PLCH1: variants seen among roughly 807,000 people sequenced by gnomAD.
PLCH1 encodes 1-phosphatidylinositol 4,5-bisphosphate phosphodiesterase eta-1.
Under a neutral mutation model 126.7 loss-of-function variants are expected in PLCH1, and 60 were observed. The observed-to-expected ratio is 0.47, with a 90% CI of 0.38 to 0.59. The LOEUF (loss-of-function observed/expected upper bound fraction) is 0.59. Ranked by LOEUF, PLCH1 falls within the 20% of genes least tolerant of loss-of-function variation. The pLI, the probability that PLCH1 is intolerant of heterozygous loss-of-function variation, is 0.00. For synonymous variants in PLCH1, 719 were observed against 734.9 expected (o/e 0.98, Z 0.35); for missense variants, 1,723 against 2,040.0 (o/e 0.84, Z 2.99).
chr3:155,634,461 C>T (rs977565200), intron 2 of PLCH1, among the ~76,000 whole-genome samples: 7 of 152,156 alleles, frequency 4.6e-5, no homozygotes, highest in Non-Finnish European at 1.0e-4. Flanking sequence ...GTGAGTGGGA[C>T]TGAAACCATG....
At chr3:155,575,693 C>G (rs1729847909) in intron 6 of PLCH1, among the ~76,000 whole-genome samples, 1 of 152,116 alleles carries the variant, frequency 6.6e-6, no homozygotes, top group African/African-American at 2.4e-5. Context: ...ATTTTAGAGA[C>G]AGAGTCTTGC....
chr3:155,556,216 G>C (rs1726798874), intron 8 of PLCH1, among the ~76,000 whole-genome samples: 1 of 152,186 alleles, frequency 6.6e-6, no homozygotes, highest in South Asian at 2.1e-4. Context: ...AGCTGTGTGT[G>C]GTGGCGGATG....
chr3:155,458,145 C>T (rs1317833826), intron 21 of PLCH1, among the ~76,000 whole-genome samples: 1 of 151,896 alleles, frequency 6.6e-6, no homozygotes, highest in African/African-American at 2.4e-5. Context: ...AGTTCAAGAC[C>T]ACCCTGGCCA....
intron 8 of PLCH1, among the ~76,000 whole-genome samples, chr3:155,564,519 C>T (rs1284108962): frequency 1.3e-5 from 2 of 151,870 alleles, no homozygotes; most frequent in Non-Finnish European, 2.9e-5. Flanking sequence ...GAGCCTAGAT[C>T]GTGCCACTAC....
At chr3:155,741,684 C>CTTTT (rs71624571) in intron 1 of PLCH1, among the ~76,000 whole-genome samples, 8,958 of 102,378 alleles carry the variant, frequency 0.087, 515 homozygotes, top group Non-Finnish European at 0.099. Flanking sequence ...TTTATATCCT[C>CTTTT]TTTTTTTTTT....
chr3:155,634,085 G>A (rs781331751), intron 2 of PLCH1, among the ~76,000 whole-genome samples: 15 of 152,072 alleles, frequency 9.9e-5, no homozygotes, highest in African/African-American at 2.9e-4. Context: ...TACCATCCAC[G>A]GGTGCCAAGA....
At chr3:155,483,187 T>C (rs775273974) in intron 22 of PLCH1, 136 bp from the exon 23 acceptor site, 11 of 966,728 alleles carry the variant, frequency 1.1e-5, no homozygotes, top group East Asian at 2.4e-5. Context: ...ATGGATTGCA[T>C]AGGTTTGCAA....
intron 6 of PLCH1, among the ~76,000 whole-genome samples, chr3:155,569,001 G>A (rs1269966584): frequency 6.6e-6 from 1 of 152,154 alleles, no homozygotes. Context: ...TGATAGTGGA[G>A]TGATAAGGAT....
intron 2 of PLCH1, among the ~76,000 whole-genome samples, chr3:155,633,157 T>TA (rs2108819683): frequency 6.6e-6 from 1 of 152,186 alleles, no homozygotes; most frequent in South Asian, 2.1e-4. Flanking sequence ...GAAAGGGGGC[T>TA]ACAGCTCCCA....
At position 155,642,036 on chromosome 3, in the gene PLCH1, C is replaced by A. The variant is rs142605835; in HGVS notation, c.80-45658G>T. On this transcript the variant is annotated intron_variant, in intron 2 of 22. Transcript: ENST00000460012. Reference sequence around the variant, plus strand: ...TAATATAATAATAAAAAAAGAATAGCTAAATCTGCCTAGCATTTAATAGGT... The same window carrying A: ...TAATATAATAATAAAAAAAGAATAGATAAATCTGCCTAGCATTTAATAGGT... Among the ~76,000 whole-genome samples the A allele has an allele frequency of 3.3e-5, 5 of 152,244 alleles. No individual in the cohort carries two copies. In the East Asian group the frequency reaches 9.6e-4, roughly 29 times the overall value.
chr3:155,476,366 T>C (rs946651689), downstream of PLCH1, among the ~76,000 whole-genome samples: 1 of 152,128 alleles, frequency 6.6e-6, no homozygotes, highest in African/African-American at 2.4e-5. Flanking sequence ...TGGAAAGCCT[T>C]TCCTCTAAGA....
At chr3:155,544,854 A>C (rs1278487317) in intron 10 of PLCH1, among the ~76,000 whole-genome samples, 4 of 151,650 alleles carry the variant, frequency 2.6e-5, no homozygotes, top group Non-Finnish European at 2.9e-5. Context: ...ATAAAGACAC[A>C]ACATACCAGA....
chr3:155,728,548 A>G (rs1220598203), intron 1 of PLCH1, among the ~76,000 whole-genome samples: 1 of 152,230 alleles, frequency 6.6e-6, no homozygotes, highest in Non-Finnish European at 1.5e-5. Context: ...TTTGAACTCA[A>G]AAAATCTAAC....
Position 155,594,038 on chromosome 3 carries a change from G to A in PLCH1, c.373C>T (p.Pro125Ser), listed in dbSNP as rs767679095. 2.5e-6 allele frequency: 4 copies of A among 1,613,972 alleles called. No homozygotes were observed. Among genetic ancestry groups the A allele is most frequent in the Admixed American group, 1.7e-5 (1 of 60,024 alleles). Residue 125 changes from proline (P) to serine (S), a missense_variant, in exon 4 of 23, where the codon CCC becomes TCC. Transcript: ENST00000460012. ...MESLDLITSN[P>S]EEARTWITGL... is the part of the protein sequence containing the mutation. ...GTGATCCAGGTGCGGGCCTCCTCGG[G>A]GTTGGAGGTGATGAGGTCCAGGGAC...
At chr3:155,741,684 C>CTTTTATTTTTTTTTTTTTA in intron 1 of PLCH1, among the ~76,000 whole-genome samples, 1 of 102,868 alleles carries the variant, frequency 9.7e-6, no homozygotes, top group Admixed American at 1.2e-4. Flanking sequence ...TTTATATCCT[C>CTTTTATTTTTTTTTTTTTA]TTTTTTTTTT....
chr3:155,572,253 GTGCTCTGGTGTATTTGTCTTTTAT>G, intron 6 of PLCH1, among the ~76,000 whole-genome samples: 1 of 152,246 alleles, frequency 6.6e-6, no homozygotes, highest in Admixed American at 6.5e-5. Context: ...GTTTTTGTGT[GTGCTCTGGTGTATTTGTCTTTTAT>G]TCCACACACA....
At chr3:155,562,702 C>T (rs1014216293) in intron 8 of PLCH1, among the ~76,000 whole-genome samples, 5 of 152,160 alleles carry the variant, frequency 3.3e-5, no homozygotes, top group Non-Finnish European at 7.3e-5. Context: ...TGATTTTAAG[C>T]CCTGTGGCCA....
intron 1 of PLCH1, among the ~76,000 whole-genome samples, chr3:155,706,960 C>G (rs1287584342): frequency 6.6e-6 from 1 of 152,114 alleles, no homozygotes; most frequent in East Asian, 1.9e-4. Flanking sequence ...CCCCAAATTC[C>G]TATGGTGAAA....
At chr3:155,486,089 C>T (rs890106610) in intron 21 of PLCH1, 1 of 1,061,828 alleles carries the variant, frequency 9.4e-7, no homozygotes, top group African/African-American at 1.6e-5. Context: ...AGCATGCTGC[C>T]ATAACCACTT....
Sources: gnomAD v4.1 joint callset for allele counts (sites outside exome capture counted in the v4.1 genomes callset) on GRCh38, gnomAD v4.1.1 for gene constraint, MANE v1.5 for transcripts, NCBI Gene and HGNC (gene_info 2026-07-23, HGNC 2026-07-21) for gene names.